DSE: variants seen among roughly 807,000 people sequenced by gnomAD.
The protein encoded by DSE is dermatan-sulfate epimerase.
In DSE, 36 loss-of-function variants were observed where a neutral mutation model predicts 84.4. The ratio of observed to expected loss-of-function variants is 0.43; its 90% CI spans 0.33 to 0.56. DSE has a LOEUF of 0.56. Among genes scored for constraint, DSE ranks in the 20% least tolerant of loss-of-function variants. The pLI, the probability that DSE is intolerant of heterozygous loss-of-function variation, is 0.06. For synonymous variants in DSE, 410 were observed against 430.1 expected, an observed-to-expected ratio of 0.95 and a Z score of 0.58; for missense variants, 862 against 1,169.6, an observed-to-expected ratio of 0.74 and a Z score of 3.84.
intron 2 of DSE, among the ~76,000 whole-genome samples, chr6:116,337,799 ATACT>A (rs1360774394): frequency 4.1e-5 from 5 of 121,080 alleles, no homozygotes; most frequent in Admixed American, 8.3e-5. Context: ...ATGAGTTTAC[ATACT>A]TCTTATGACC....
intron 2 of DSE, among the ~76,000 whole-genome samples, chr6:116,315,867 G>A (rs1042406989): frequency 1.3e-5 from 2 of 152,148 alleles, no homozygotes; most frequent in African/African-American, 4.8e-5. Flanking sequence ...ATGCATGCCT[G>A]TAATCCCAGC....
At chr6:116,329,824 T>TTTTTC (rs1010017728) in intron 2 of DSE, among the ~76,000 whole-genome samples, 21 of 152,174 alleles carry the variant, frequency 1.4e-4, no homozygotes, top group Admixed American at 6.5e-5. Context: ...GGTATAAATA[T>TTTTTC]TTTTCTTTTC....
At chr6:116,369,701 T>C, upstream of DSE, 3 of 316,572 alleles carry the variant, frequency 9.5e-6, no homozygotes, top group South Asian at 8.2e-5. Flanking sequence ...GAGTGAACAT[T>C]TAAAAAATTT....
At chr6:116,382,066 T>C (rs938850744) in intron 1 of DSE, among the ~76,000 whole-genome samples, 1 of 151,882 alleles carries the variant, frequency 6.6e-6, no homozygotes, top group African/African-American at 2.4e-5. Context: ...TGTGTGTGTG[T>C]GTGTGTCTCC....
chr6:116,335,118 T>C (rs1283605781), intron 2 of DSE, among the ~76,000 whole-genome samples: 1 of 152,148 alleles, frequency 6.6e-6, no homozygotes, highest in African/African-American at 2.4e-5. Context: ...AGACATGGAA[T>C]CAACCTAAAT....
rs976653702 is a variant in DSE, at chr6:116,444,049, C to T, written c.*6704C>T. The T allele has an allele frequency of 2.0e-5, 3 of 152,154 alleles. No individual in the cohort carries two copies. The highest frequency in any genetic ancestry group is 7.2e-5 in the African/African-American group (3 of 41,440). 9.4% of individuals were successfully genotyped at this position (152,154 alleles called of 1,614,324 possible). On this transcript the variant is annotated 3_prime_UTR_variant, in exon 6 of 6. Transcript: ENST00000644252. ...ATCTTGATTTCTAAACTCCTTTACTCCTCTCTTGAAGGTATTTGTTTTACT... is the reference window on the plus strand; with the variant it reads ...ATCTTGATTTCTAAACTCCTTTACTTCTCTCTTGAAGGTATTTGTTTTACT...
exon 2 of DSE, chr6:116,258,755 G>A: frequency 6.2e-7 from 1 of 1,609,740 alleles, no homozygotes; most frequent in Non-Finnish European, 8.5e-7. Flanking sequence ...TCCTCCCGGG[G>A]ACCACTGTTG....
chr6:116,337,824 A>G (rs1255775372), intron 2 of DSE, among the ~76,000 whole-genome samples: 1 of 152,184 alleles, frequency 6.6e-6, no homozygotes, highest in Non-Finnish European at 1.5e-5. Context: ...ATTATTAGTA[A>G]GCAAAAATGT....
At chr6:116,419,323 C>T (rs769162963) in intron 2 of DSE, among the ~76,000 whole-genome samples, 9 of 152,126 alleles carry the variant, frequency 5.9e-5, no homozygotes, top group Non-Finnish European at 1.2e-4. Flanking sequence ...TTAGTTTTCA[C>T]ATTTAAAATG....
chr6:116,380,214 TA>T (rs1201478175), intron 1 of DSE, among the ~76,000 whole-genome samples: 1 of 152,126 alleles, frequency 6.6e-6, no homozygotes, highest in African/African-American at 2.4e-5. Context: ...TGAAAGGATT[TA>T]GTCATTGAGT....
At chr6:116,378,334 T>G (rs182397183) in intron 1 of DSE, among the ~76,000 whole-genome samples, 50 of 152,306 alleles carry the variant, frequency 3.3e-4, no homozygotes, top group African/African-American at 1.2e-3. Flanking sequence ...GGGCTCTAAT[T>G]TATGACTTCT....
chr6:116,376,640 T>A (rs1465546999), intron 1 of DSE, among the ~76,000 whole-genome samples: 3 of 152,234 alleles, frequency 2.0e-5, no homozygotes, highest in Non-Finnish European at 1.5e-5. Flanking sequence ...TTTGTAAACA[T>A]GATTTTGGTA....
At chr6:116,289,051 A>C (rs1242723751) in intron 2 of DSE, among the ~76,000 whole-genome samples, 6 of 152,190 alleles carry the variant, frequency 3.9e-5, no homozygotes, top group African/African-American at 1.4e-4. Flanking sequence ...TAAAACTTAC[A>C]TATTTAAAAT....
intron 2 of DSE, among the ~76,000 whole-genome samples, chr6:116,347,588 C>G (rs1778063004): frequency 6.6e-6 from 1 of 152,136 alleles, no homozygotes; most frequent in African/African-American, 2.4e-5. Context: ...ACTGGCTAGC[C>G]ATATGTAGAA....
At chr6:116,261,455 G>T (rs1440663394) in intron 2 of DSE, among the ~76,000 whole-genome samples, 1 of 152,090 alleles carries the variant, frequency 6.6e-6, no homozygotes, top group African/African-American at 2.4e-5. Flanking sequence ...AGTGATATTT[G>T]CACATTGATT....
At chr6:116,428,232 C>T (rs1207862442) in intron 3 of DSE, among the ~76,000 whole-genome samples, 1 of 151,808 alleles carries the variant, frequency 6.6e-6, no homozygotes, top group East Asian at 1.9e-4. Context: ...AAAATTAAAA[C>T]ATCAAAATGC....
chr6:116,370,617 C>T, upstream of DSE: 1 of 751,208 alleles, frequency 1.3e-6, no homozygotes, highest in Non-Finnish European at 1.6e-6. Context: ...GAACCCGAAG[C>T]GTTTGAGTCC....
chr6:116,349,634 A>T (rs1778200372), intron 2 of DSE, among the ~76,000 whole-genome samples: 1 of 152,154 alleles, frequency 6.6e-6, no homozygotes, highest in African/African-American at 2.4e-5. Context: ...GGGAGTGGTC[A>T]TTTCTCATCA....
chr6:116,420,804 G>A (rs998383926), intron 2 of DSE, among the ~76,000 whole-genome samples: 1 of 152,096 alleles, frequency 6.6e-6, no homozygotes, highest in Non-Finnish European at 1.5e-5. Flanking sequence ...ATCACTTGCA[G>A]TTCAAATCTA....
Sources: allele counts gnomAD v4.1 joint callset (sites outside exome capture counted in the v4.1 genomes callset), GRCh38; gene constraint gnomAD v4.1.1; transcripts MANE v1.5; gene names NCBI Gene and HGNC (gene_info 2026-07-23, HGNC 2026-07-21).